The following PDPR variants were observed in gnomAD, a reference collection of about 807,000 sequenced individuals.
The protein encoded by PDPR is pyruvate dehydrogenase phosphatase regulatory subunit.
PDPR carries 50 observed loss-of-function variants against 102.2 expected under a neutral mutation model. The observed-to-expected ratio is 0.49, with a 90% CI of 0.39 to 0.62. The LOEUF (loss-of-function observed/expected upper bound fraction) is 0.62. PDPR is among the 20% of genes least tolerant of loss of function. The pLI, the probability that PDPR is intolerant of heterozygous loss-of-function variation, is 0.00. For missense variants in PDPR, 625 were observed against 1,098.2 expected, an observed-to-expected ratio of 0.57 and a Z score of 6.09; for synonymous variants, 259 against 406.0, an observed-to-expected ratio of 0.64 and a Z score of 4.35.
chr16:70,142,086 G>A (rs1479342335), intron 11 of PDPR, 148 bp from the exon 12 acceptor site: 5 of 939,386 alleles, frequency 5.3e-6, no homozygotes, highest in Non-Finnish European at 7.7e-6. Flanking sequence ...GACAACAAGA[G>A]CAAAACTCCG....
At chr16:70,140,398 G>A (rs569173922) in intron 11 of PDPR, among the ~76,000 whole-genome samples, 87 of 152,352 alleles carry the variant, frequency 5.7e-4, no homozygotes, top group African/African-American at 2.0e-3. Context: ...ACTATTATAA[G>A]CCTAAATTTC....
chr16:70,120,655 A>C lies in PDPR; in HGVS notation c.163A>C (p.Thr55Pro). The C allele has an allele frequency of 6.2e-7, 1 of 1,613,910 alleles. No individual in the cohort carries two copies. The highest frequency in any genetic ancestry group is 8.5e-7 in the Non-Finnish European group (1 of 1,179,838). The change falls in exon 3 of 19, where the codon ACT becomes CCT. Residue 55 changes from threonine (T) to proline (P), a missense_variant. By Grantham distance (38) the Thr-to-Pro change is conservative. Transcript: ENST00000288050. ...CATCTGTGGAGGTGGAATCACGGGC[A>C]CTTCTGTGGCCTATCACCTCTCCAA... ...VVICGGGITGTSVAYHLSKMG... is the reference protein window; with the variant it reads ...VVICGGGITGPSVAYHLSKMG...
intron 2 of PDPR, among the ~76,000 whole-genome samples, chr16:70,118,355 G>C (rs1371243390): frequency 7.2e-5 from 11 of 152,298 alleles, no homozygotes; most frequent in African/African-American, 2.6e-4. Context: ...GAAGAAAGGA[G>C]GTGAAATTGA....
chr16:70,125,552 CAAAA>C (rs1164711741), intron 3 of PDPR, among the ~76,000 whole-genome samples: 22,678 of 99,540 alleles, frequency 0.23, 297 homozygotes, highest in Admixed American at 0.28. Flanking sequence ...AACTGCGTCT[CAAAA>C]AAAAAAAAAA....
intron 17 of PDPR, among the ~76,000 whole-genome samples, chr16:70,151,543 T>C (rs1204558542): frequency 6.6e-6 from 1 of 152,294 alleles, no homozygotes; most frequent in African/African-American, 2.4e-5. Context: ...GCTGCCATGG[T>C]TGGCCTGTGC....
intron 15 of PDPR, among the ~76,000 whole-genome samples, chr16:70,145,274 A>G (rs1966139110): frequency 6.6e-6 from 1 of 152,156 alleles, no homozygotes; most frequent in African/African-American, 2.4e-5. Context: ...AGTAGCTGGG[A>G]TTATAGGCGC....
At chr16:70,153,621 G>A (rs1272924730) in intron 18 of PDPR, 48 bp downstream of exon 18, 5 of 1,519,636 alleles carry the variant, frequency 3.3e-6, no homozygotes, top group African/African-American at 1.4e-5. Flanking sequence ...CCCGAGTAGT[G>A]AATCTGCACT....
chr16:70,128,464 A>G (rs1964204049), intron 4 of PDPR, among the ~76,000 whole-genome samples: 1 of 152,224 alleles, frequency 6.6e-6, no homozygotes, highest in African/African-American at 2.4e-5. Context: ...CTGACCTCAG[A>G]TGATCCGCCC....
rs746360533 is a variant in PDPR, at chr16:70,156,869, A to T, written c.2630A>T (p.His877Leu). 1.2e-6 allele frequency: 2 copies of T among 1,613,442 alleles called. No homozygotes were observed. The highest frequency in any genetic ancestry group is 4.5e-5 in the East Asian group (2 of 44,860). ...GATGACATGGAGCTGAGTGACTTAC[A>T]TGGGAAGTGATGCCACCAGGGCAGC... ...RKDDMELSDL[H>L]GK Residue 877 changes from histidine to leucine, a missense_variant, in exon 19 of 19, where the codon CAT (histidine) becomes CTT (leucine). By Grantham distance (99) the His-to-Leu change is moderately conservative (BLOSUM62 -3). This residue lies in a region of PDPR where 303 missense variants were observed against 258.9 expected (regional missense o/e 1.17). Coordinates refer to ENST00000288050, the MANE Select transcript of PDPR (RefSeq NM_017990.5).
At chr16:70,115,491 T>C (rs919661379) in intron 2 of PDPR, among the ~76,000 whole-genome samples, 3 of 152,216 alleles carry the variant, frequency 2.0e-5, no homozygotes, top group Admixed American at 6.5e-5. Context: ...CTCCCTGGAG[T>C]GGCAGGATCA....
intron 9 of PDPR, among the ~76,000 whole-genome samples, chr16:70,135,604 C>T (rs1469491576): frequency 6.6e-6 from 1 of 152,282 alleles, no homozygotes; most frequent in Non-Finnish European, 1.5e-5. Context: ...ACACTGGTCC[C>T]TTCAAGATTA....
intron 3 of PDPR, among the ~76,000 whole-genome samples, chr16:70,124,054 CA>C (rs11428362): frequency 0.24 from 34,022 of 142,642 alleles, 1,184 homozygotes; most frequent in Admixed American, 0.28. Flanking sequence ...GACTCAGTCT[CA>C]AAAAAAAAAA....
intron 10 of PDPR, among the ~76,000 whole-genome samples, chr16:70,138,207 A>AT (rs1201065640): frequency 0.037 from 3,469 of 93,914 alleles, 181 homozygotes; most frequent in African/African-American, 0.13. Flanking sequence ...ACGCCGGCTA[A>AT]TTTTTTTTTT....
At position 70,161,059 on chromosome 16, in the gene PDPR, A is replaced by T. The variant is rs561256261; in HGVS notation, c.*4180A>T. The T allele has an allele frequency of 6.6e-6, 1 of 152,654 alleles. No homozygotes were observed. Among genetic ancestry groups the T allele is most frequent in the African/African-American group, 2.4e-5 (1 of 41,476 alleles). 9.5% of individuals were successfully genotyped at this position (152,654 alleles called of 1,614,324 possible). A position where few individuals can be genotyped will look rare whatever the true frequency, so the allele number is the denominator to read the frequency against. ...GGGGTTAGCTACAAGATTCAGCTTTATATCTCTGTTGCTTCTTGGCCAGTG... is the reference window on the plus strand; with the variant it reads ...GGGGTTAGCTACAAGATTCAGCTTTTTATCTCTGTTGCTTCTTGGCCAGTG... On this transcript the variant is annotated 3_prime_UTR_variant, in exon 19 of 19. Transcript: ENST00000288050.
rs561882071 is a variant in PDPR, at chr16:70,150,024, C to T, written c.2052+1471C>T. ...CCAGAATGGTCTCGATCTCCTACCT[C>T]GTGATCTGCCAGCCTTGGCCTCCCA... On this transcript the variant is annotated intron_variant, in intron 17 of 18. Transcript: ENST00000288050. Among the ~76,000 whole-genome samples, 24 of 151,850 alleles carry T rather than the reference C, an allele frequency of 1.6e-4. No individual in the cohort carries two copies. In the Middle Eastern group the frequency reaches 0.01, roughly 65 times the overall value.
At chr16:70,162,774 T>C (rs1967908138), downstream of PDPR, among the ~76,000 whole-genome samples, 1 of 152,380 alleles carries the variant, frequency 6.6e-6, no homozygotes, top group Admixed American at 6.5e-5. Flanking sequence ...TGCCTACAGC[T>C]GACCTCAGGA....
At chr16:70,143,011 C>T (rs1366540499) in intron 13 of PDPR, among the ~76,000 whole-genome samples, 2 of 152,270 alleles carry the variant, frequency 1.3e-5, no homozygotes, top group East Asian at 3.8e-4. Context: ...GCCTGGCCAA[C>T]ATGGCGAAAC....
chr16:70,156,243 G>T, intron 18 of PDPR: 1 of 568,248 alleles, frequency 1.8e-6, no homozygotes. Flanking sequence ...TATAAAATAG[G>T]AAACAAAATG....
At chr16:70,138,782 A>G (rs1965424525) in intron 10 of PDPR, 117 bp from the exon 11 acceptor site, 2 of 1,566,830 alleles carry the variant, frequency 1.3e-6, no homozygotes, top group Non-Finnish European at 1.7e-6. Flanking sequence ...GCCCAAAACT[A>G]TTCAGCTGGT....
Sources: gnomAD v4.1 joint callset for allele counts (sites outside exome capture counted in the v4.1 genomes callset) on GRCh38, gnomAD v4.1.1 for gene constraint, gnomAD v4.1.1 regional missense constraint, MANE v1.5 for transcripts, NCBI Gene and HGNC (gene_info 2026-07-23, HGNC 2026-07-21) for gene names.